TPD52: variants seen among roughly 807,000 people sequenced by gnomAD.
The protein encoded by TPD52 is tumor protein D52, also known as prostate and colon associated protein.
In TPD52, 17 loss-of-function variants were observed where a neutral mutation model predicts 31.3. That is an observed-to-expected ratio of 0.54 (90% CI 0.37 to 0.82). The LOEUF is 0.82. Ranked by LOEUF, TPD52 falls within the 40% of genes least tolerant of loss-of-function variation. The pLI is 0.00. For missense variants in TPD52, 212 were observed against 240.1 expected, an observed-to-expected ratio of 0.88 and a Z score of 0.77; for synonymous variants, 83 against 89.6, an observed-to-expected ratio of 0.93 and a Z score of 0.42.
intron 2 of TPD52, among the ~76,000 whole-genome samples, chr8:80,060,733 T>TG (rs1250341068): frequency 1.4e-5 from 2 of 145,532 alleles, no homozygotes; most frequent in Admixed American, 6.8e-5. Context: ...TTTCAATAGG[T>TG]GAAAAAAAAA....
intron 1 of TPD52, among the ~76,000 whole-genome samples, chr8:80,086,644 C>T (rs1241318198): frequency 1.3e-5 from 2 of 151,896 alleles, no homozygotes; most frequent in Non-Finnish European, 2.9e-5. Context: ...GAGACCAAGG[C>T]AGGCAGATCA....
At chr8:80,069,167 A>C (rs2130731582) in intron 1 of TPD52, among the ~76,000 whole-genome samples, 1 of 152,360 alleles carries the variant, frequency 6.6e-6, no homozygotes, top group South Asian at 2.1e-4. Flanking sequence ...GAACTTCAAT[A>C]AATGTAAAAA....
intron 1 of TPD52, among the ~76,000 whole-genome samples, chr8:80,081,719 T>A (rs1238389339): frequency 2.0e-5 from 3 of 152,126 alleles, no homozygotes; most frequent in Middle Eastern, 3.4e-3. Context: ...CTTGTGATTT[T>A]TTTTTTTTAA....
At chr8:80,040,740 A>G (rs983119971) in intron 7 of TPD52, among the ~76,000 whole-genome samples, 2 of 152,204 alleles carry the variant, frequency 1.3e-5, no homozygotes, top group Non-Finnish European at 2.9e-5. Flanking sequence ...CAATATTGAG[A>G]ACTGAATTTT....
intron 1 of TPD52, among the ~76,000 whole-genome samples, chr8:80,076,274 A>G (rs947520444): frequency 6.6e-6 from 1 of 152,260 alleles, no homozygotes; most frequent in South Asian, 2.1e-4. Flanking sequence ...TCAATGATAG[A>G]CTGAATAAAG....
At chr8:80,171,235 G>A in intron 1 of TPD52, 190 bp downstream of exon 1, 2 of 751,070 alleles carry the variant, frequency 2.7e-6, no homozygotes, top group South Asian at 1.5e-5. Context: ...ATCTGCCCCC[G>A]CCAGAGCCGC....
chr8:80,115,437 TAAG>T (rs1266710796), intron 1 of TPD52, among the ~76,000 whole-genome samples: 2 of 152,082 alleles, frequency 1.3e-5, no homozygotes, highest in African/African-American at 4.8e-5. Flanking sequence ...GCAGAAGCTA[TAAG>T]GCTTCAATAA....
At position 80,153,652 on chromosome 8, in the gene TPD52, A is replaced by G. The variant is rs183865743; in HGVS notation, c.19+17773T>C. ...TCCATTTTGGCAAATTTACATCTGT[A>G]ACCAATTCATTTAAGATAAGAGCTC... On this transcript the variant is annotated intron_variant, in intron 1 of 7. Coordinates refer to ENST00000518937, the MANE Select transcript of TPD52 (RefSeq NM_001025253.3). 1.5e-3 allele frequency among the ~76,000 whole-genome samples: 230 copies of G among 152,346 alleles called. 1 individual carries two copies. Among genetic ancestry groups the G allele is most frequent in the African/African-American group, 5.3e-3 (222 of 41,586 alleles).
chr8:80,117,989 C>T (rs2131013501), intron 1 of TPD52, among the ~76,000 whole-genome samples: 1 of 152,204 alleles, frequency 6.6e-6, no homozygotes, highest in Non-Finnish European at 1.5e-5. Flanking sequence ...ACCTCAGCCT[C>T]CCAAAGTGCC....
At chr8:80,108,790 T>G (rs1195028446) in intron 1 of TPD52, among the ~76,000 whole-genome samples, 1 of 152,250 alleles carries the variant, frequency 6.6e-6, no homozygotes, top group Non-Finnish European at 1.5e-5. Context: ...GTGGAAGTTT[T>G]GCTGGTTCTT....
chr8:80,119,829 G>A (rs1429045163), intron 1 of TPD52: 1 of 413,228 alleles, frequency 2.4e-6, no homozygotes, highest in Admixed American at 3.1e-5. Flanking sequence ...TATATGAGTG[G>A]AGAAAAGATA....
intron 6 of TPD52, 134 bp from the exon 7 acceptor site, chr8:80,042,802 T>C: frequency 2.8e-6 from 2 of 712,202 alleles, no homozygotes; most frequent in Non-Finnish European, 4.5e-6. Flanking sequence ...GTACCATATA[T>C]GTGCAGGTAC....
intron 1 of TPD52, among the ~76,000 whole-genome samples, chr8:80,166,244 T>C (rs985613614): frequency 6.6e-6 from 1 of 151,968 alleles, no homozygotes; most frequent in Non-Finnish European, 1.5e-5. Context: ...ACCCAGGAGG[T>C]GGAGGTTGCA....
At chr8:80,080,592 G>A (rs1053245953) in intron 1 of TPD52, 1 of 1,391,732 alleles carries the variant, frequency 7.2e-7, no homozygotes, top group Non-Finnish European at 9.3e-7. Flanking sequence ...CCTGGCTTCT[G>A]GGCCCAGGTG....
At chr8:80,070,207 C>G (rs1020937387) in intron 1 of TPD52, among the ~76,000 whole-genome samples, 2 of 151,962 alleles carry the variant, frequency 1.3e-5, no homozygotes, top group African/African-American at 4.8e-5. Flanking sequence ...CAGCCCCAAC[C>G]CCCCTTTGGA....
chr8:80,155,001 G>GTT lies in TPD52; in HGVS notation c.19+16422_19+16423dup, dbSNP rs201457391. Among the ~76,000 whole-genome samples, 1,220 of 139,418 alleles carry GTT rather than the reference G, an allele frequency of 8.8e-3. 9 individuals carry two copies. Among genetic ancestry groups the GTT allele is most frequent in the Admixed American group, 0.011 (151 of 13,974 alleles). The allele number at this position is 139,418 out of a possible 152,430, so 91.5% of individuals were successfully genotyped here. On this transcript the variant is annotated intron_variant, in intron 1 of 7. Transcript: ENST00000518937. ...TGGCTTTTTGTGTTTTTGGTTTTTTGTTTTTTTTTTTTTTGAGACAAGGTT... is the reference window on the plus strand; with the variant it reads ...TGGCTTTTTGTGTTTTTGGTTTTTTGTTTTTTTTTTTTTTTTGAGACAAGGTT...
At chr8:80,147,052 A>C (rs1292343824) in intron 1 of TPD52, among the ~76,000 whole-genome samples, 1 of 152,106 alleles carries the variant, frequency 6.6e-6, no homozygotes, top group East Asian at 1.9e-4. Flanking sequence ...TGAGGGTGTG[A>C]GGTCTTGTTT....
chr8:80,106,513 C>T (rs907518953), intron 1 of TPD52, among the ~76,000 whole-genome samples: 12 of 151,984 alleles, frequency 7.9e-5, no homozygotes, highest in African/African-American at 2.9e-4. Context: ...CACGCCACCA[C>T]ACCCGGCTAA....
At chr8:80,097,100 G>C (rs979394341) in intron 1 of TPD52, among the ~76,000 whole-genome samples, 18 of 151,296 alleles carry the variant, frequency 1.2e-4, no homozygotes, top group Admixed American at 4.6e-4. Flanking sequence ...TTGCTGATAT[G>C]GACAAAGTTT....
Sources: allele counts gnomAD v4.1 joint callset (sites outside exome capture counted in the v4.1 genomes callset), GRCh38; gene constraint gnomAD v4.1.1; transcripts MANE v1.5; gene names NCBI Gene and HGNC (gene_info 2026-07-23, HGNC 2026-07-21).